UBE2Q2: variants seen among roughly 807,000 people sequenced by gnomAD.
UBE2Q2 encodes ubiquitin-conjugating enzyme E2 Q2.
In UBE2Q2, 54 loss-of-function variants were observed where a neutral mutation model predicts 59.9. The ratio of observed to expected loss-of-function variants is 0.90; its 90% CI spans 0.72 to 1.13. The LOEUF (loss-of-function observed/expected upper bound fraction) is 1.13, where lower values mean the gene tolerates loss of function less well. UBE2Q2 is among the 50% of genes most tolerant of loss of function. The pLI, the probability that UBE2Q2 is intolerant of heterozygous loss-of-function variation, is 0.00. For synonymous variants in UBE2Q2, 165 were observed against 155.2 expected (o/e 1.06, Z -0.47); for missense variants, 433 against 441.9 (o/e 0.98, Z 0.18).
At chr15:75,878,210 A>T (rs890062293) in intron 7 of UBE2Q2, 189 bp downstream of exon 7, 2 of 541,534 alleles carry the variant, frequency 3.7e-6, no homozygotes, top group Non-Finnish European at 6.5e-6. Context: ...AGTGAGAAAG[A>T]GGAAGGACAG....
At position 75,854,423 on chromosome 15, in the gene UBE2Q2, A is replaced by G. The variant is rs1205704852; in HGVS notation, c.218A>G (p.Asp73Gly). The G allele has an allele frequency of 1.9e-6, 3 of 1,613,396 alleles. No individual in the cohort carries two copies. The African/African-American group carries it at 4.0e-5, about 22-fold the overall frequency. ...TCTTCTTCACCGATATGGTTTGTGG[A>G]TTCTGAAGACCCAAATCTGACATCA... ...YPSSSPIWFV[D>G]SEDPNLTSVL... is the part of the protein sequence containing the mutation. The change falls in exon 2 of 13, where the codon GAT (aspartate) becomes GGT (glycine). Residue 73 changes from aspartate to glycine, a missense_variant. Coordinates refer to ENST00000267938, the MANE Select transcript of UBE2Q2 (RefSeq NM_173469.4).
intron 3 of UBE2Q2, among the ~76,000 whole-genome samples, chr15:75,866,287 C>T (rs1403866759): frequency 2.0e-5 from 3 of 152,146 alleles, no homozygotes; most frequent in African/African-American, 2.4e-5. Flanking sequence ...AGTCCTCCCA[C>T]CTCAGCCTCT....
At chr15:75,848,643 A>G (rs1311390520) in intron 1 of UBE2Q2, among the ~76,000 whole-genome samples, 5 of 151,822 alleles carry the variant, frequency 3.3e-5, no homozygotes, top group East Asian at 3.9e-4. Flanking sequence ...TGTGAATAGT[A>G]TATCCCTTAG....
rs1567027189 is a variant in UBE2Q2, at chr15:75,868,936, C to CTT, written c.388-13_388-12dup. The CTT allele has an allele frequency of 6.2e-7, 1 of 1,612,478 alleles. No individual in the cohort carries two copies. The highest frequency in any genetic ancestry group is 1.1e-5 in the South Asian group (1 of 91,022). On this transcript the variant is annotated splice_polypyrimidine_tract_variant and intron_variant, in intron 3 of 12. Coordinates refer to ENST00000267938, the MANE Select transcript of UBE2Q2 (RefSeq NM_173469.4). ...TTGTTCTGTATAGCCCTGGCAGATT[C>CTT]TTTCTCTGTTTCAGAATGGGACAAC...
In UBE2Q2 at chr15:75,843,483, G is replaced by C. The variant is rs1368334502; in HGVS notation, c.-184G>C. The stretch of plus-strand genomic sequence containing the variant: ...TTACAAAGGAAGCGCCACCCAGGCC[G>C]CCACACGCCGAGGCTTCCGCGCCCC... On this transcript the variant is annotated 5_prime_UTR_variant, in exon 1 of 13. Transcript: ENST00000267938. The C allele has an allele frequency of 7.2e-6, 2 of 277,428 alleles. No homozygotes were observed. Among genetic ancestry groups the C allele is most frequent in the African/African-American group, 4.5e-5 (2 of 44,208 alleles). 17.2% of individuals were successfully genotyped at this position (277,428 alleles called of 1,614,324 possible).
chr15:75,870,593 T>A (rs75620899), intron 4 of UBE2Q2, among the ~76,000 whole-genome samples: 122 of 152,244 alleles, frequency 8.0e-4, no homozygotes, highest in African/African-American at 2.9e-3. Context: ...GGCCGCAACA[T>A]GGAGGGAAAC....
At chr15:75,897,366 G>C (rs1330404405) in intron 12 of UBE2Q2, among the ~76,000 whole-genome samples, 1 of 152,002 alleles carries the variant, frequency 6.6e-6, no homozygotes, top group Non-Finnish European at 1.5e-5. Flanking sequence ...AGCCTCCCGA[G>C]TAGCTGGGAC....
At chr15:75,852,017 C>T (rs377464786) in intron 1 of UBE2Q2, among the ~76,000 whole-genome samples, 6 of 152,214 alleles carry the variant, frequency 3.9e-5, no homozygotes, top group East Asian at 3.9e-4. Flanking sequence ...GGACTACAGG[C>T]GTGCAACCAC....
intron 11 of UBE2Q2, among the ~76,000 whole-genome samples, chr15:75,892,200 G>T (rs995138684): frequency 1.3e-5 from 2 of 152,160 alleles, no homozygotes; most frequent in Middle Eastern, 3.2e-3. Context: ...CATGTTAGTT[G>T]TATCCACAGC....
intron 3 of UBE2Q2, among the ~76,000 whole-genome samples, chr15:75,863,530 G>A (rs2141586363): frequency 6.6e-6 from 1 of 151,408 alleles, no homozygotes; most frequent in East Asian, 1.9e-4. Context: ...TGCAACCTCT[G>A]CCTCCCGGGT....
chr15:75,889,900 C>G (rs753877910), intron 9 of UBE2Q2, among the ~76,000 whole-genome samples: 16 of 152,120 alleles, frequency 1.1e-4, no homozygotes, highest in Non-Finnish European at 2.1e-4. Flanking sequence ...GTCTTCAGGC[C>G]TAGAAAGAGC....
intron 11 of UBE2Q2, among the ~76,000 whole-genome samples, chr15:75,896,054 C>T (rs1899404938): frequency 6.6e-6 from 1 of 152,130 alleles, no homozygotes; most frequent in South Asian, 2.1e-4. Context: ...TGATAAGGAA[C>T]ATTCTCCAAG....
chr15:75,866,031 G>A (rs1055109125), intron 3 of UBE2Q2, among the ~76,000 whole-genome samples: 1 of 151,976 alleles, frequency 6.6e-6, no homozygotes, highest in Admixed American at 6.6e-5. Flanking sequence ...AGTTCTTTAC[G>A]CTTTTATCTT....
intron 12 of UBE2Q2, among the ~76,000 whole-genome samples, chr15:75,897,420 TG>T (rs1336134026): frequency 6.6e-6 from 1 of 151,506 alleles, no homozygotes; most frequent in Non-Finnish European, 1.5e-5. Flanking sequence ...CGGGTTTCCC[TG>T]TGTTAGCCAG....
chr15:75,872,640 G>A (rs551165876), intron 4 of UBE2Q2, among the ~76,000 whole-genome samples: 1 of 146,526 alleles, frequency 6.8e-6, no homozygotes, highest in African/African-American at 2.5e-5. Context: ...GGGCCCACAT[G>A]ATCTTCCTAT....
intron 1 of UBE2Q2, chr15:75,844,587 C>A: frequency 1.5e-6 from 2 of 1,291,084 alleles, no homozygotes; most frequent in South Asian, 1.5e-5. Flanking sequence ...CCGGAAAGAT[C>A]ACGTATGTCA....
At chr15:75,896,678 T>C (rs562156624) in intron 11 of UBE2Q2, among the ~76,000 whole-genome samples, 1 of 152,332 alleles carries the variant, frequency 6.6e-6, no homozygotes, top group South Asian at 2.1e-4. Context: ...GATATAATCC[T>C]TTAACTTGAT....
intron 2 of UBE2Q2, among the ~76,000 whole-genome samples, chr15:75,854,936 C>T (rs1896824692): frequency 1.3e-5 from 2 of 152,066 alleles, no homozygotes; most frequent in South Asian, 4.1e-4. Context: ...AGAAATATAA[C>T]TTTCCATGTT....
At chr15:75,880,420 T>C (rs1163494723) in intron 8 of UBE2Q2, among the ~76,000 whole-genome samples, 6 of 151,932 alleles carry the variant, frequency 3.9e-5, no homozygotes, top group Non-Finnish European at 7.4e-5. Context: ...GCCTAATAAG[T>C]ATTTTAAAGA....
Sources: gnomAD v4.1 joint callset for allele counts (sites outside exome capture counted in the v4.1 genomes callset) on GRCh38, gnomAD v4.1.1 for gene constraint, MANE v1.5 for transcripts, NCBI Gene and HGNC (gene_info 2026-07-23, HGNC 2026-07-21) for gene names.